CCAR1: variants seen among roughly 807,000 people sequenced by gnomAD.
CCAR1 encodes cell division cycle and apoptosis regulator protein 1.
Under a neutral mutation model 163.8 loss-of-function variants are expected in CCAR1, and 78 were observed. The observed-to-expected ratio is 0.48, with a 90% CI of 0.40 to 0.57. The LOEUF (loss-of-function observed/expected upper bound fraction) is 0.57, where lower values mean the gene tolerates loss of function less well. CCAR1 is among the 20% of genes least tolerant of loss of function. The pLI is 0.00. For missense variants in CCAR1, 1,019 were observed against 1,365.2 expected, an observed-to-expected ratio of 0.75 and a Z score of 4.00; for synonymous variants, 443 against 460.7, an observed-to-expected ratio of 0.96 and a Z score of 0.49.
intron 2 of CCAR1, among the ~76,000 whole-genome samples, chr10:68,732,314 T>G (rs1014914232): frequency 6.6e-6 from 1 of 152,124 alleles, no homozygotes; most frequent in African/African-American, 2.4e-5. Flanking sequence ...ACATGATAAT[T>G]TTTTTTCTAT....
intron 18 of CCAR1, among the ~76,000 whole-genome samples, chr10:68,772,773 A>G (rs1340414714): frequency 1.3e-5 from 2 of 149,158 alleles, no homozygotes; most frequent in South Asian, 2.1e-4. Flanking sequence ...AAAAAAAACC[A>G]TATATATATG....
intron 24 of CCAR1, among the ~76,000 whole-genome samples, chr10:68,790,539 T>C (rs1271657269): frequency 2.0e-5 from 3 of 152,034 alleles, no homozygotes; most frequent in African/African-American, 7.2e-5. Flanking sequence ...TTTTGTTTTG[T>C]CTTTTTGAGA....
chr10:68,738,639 TTAAC>T (rs1277116387), intron 4 of CCAR1, among the ~76,000 whole-genome samples: 6 of 152,138 alleles, frequency 3.9e-5, no homozygotes, highest in Non-Finnish European at 7.3e-5. Context: ...TTTTGTTACA[TTAAC>T]TAACACCTAC....
intron 19 of CCAR1, among the ~76,000 whole-genome samples, chr10:68,783,000 CTTTT>C (rs34366966): frequency 1.1e-5 from 1 of 92,404 alleles, no homozygotes; most frequent in Non-Finnish European, 2.1e-5. Context: ...TCACTTTACT[CTTTT>C]TTTTTTTTTT....
chr10:68,732,596 G>A (rs1201230430), intron 2 of CCAR1, among the ~76,000 whole-genome samples: 8 of 152,182 alleles, frequency 5.3e-5, no homozygotes, highest in East Asian at 1.9e-4. Context: ...TGATCTGCCC[G>A]CCTCAACCTC....
intron 19 of CCAR1, among the ~76,000 whole-genome samples, chr10:68,783,418 C>T (rs763521092): frequency 6.6e-6 from 1 of 152,000 alleles, no homozygotes; most frequent in Non-Finnish European, 1.5e-5. Context: ...CGTGATCTGT[C>T]TGCCTTGGCC....
intron 19 of CCAR1, among the ~76,000 whole-genome samples, chr10:68,779,817 TGG>T (rs755418664): frequency 3.3e-5 from 5 of 152,230 alleles, no homozygotes; most frequent in Non-Finnish European, 7.3e-5. Flanking sequence ...AATTGTACTT[TGG>T]TAATATAGTC....
At chr10:68,784,373 A>C (rs947512667) in intron 19 of CCAR1, among the ~76,000 whole-genome samples, 3 of 151,258 alleles carry the variant, frequency 2.0e-5, no homozygotes, top group Non-Finnish European at 4.4e-5. Context: ...ACGCCACCAC[A>C]CCCCACTTAT....
chr10:68,754,815 T>C lies in CCAR1; in HGVS notation c.1446T>C (p.Ala482=). Residue 482 remains alanine (A), a synonymous_variant, in exon 12 of 25, where the codon GCT becomes GCC. Transcript: ENST00000265872. ...TTCGAGATGGATTCCAACATCCTGC[T>C]AGACTTGTTAAGGTAAAAGGACACA... ...QELRDGFQHP[A]RLVKFLVGMK... 1 of 1,582,894 alleles carries C rather than the reference T, an allele frequency of 6.3e-7. No individual in the cohort carries two copies. The highest frequency in any genetic ancestry group is 8.7e-7 in the Non-Finnish European group (1 of 1,151,738).
Position 68,786,665 on chromosome 10 carries a change from T to C in CCAR1, c.2853T>C (p.Thr951=), listed in dbSNP as rs754560947. 1.9e-6 allele frequency: 3 copies of C among 1,598,074 alleles called. No homozygotes were observed. The highest frequency in any genetic ancestry group is 3.6e-5 in the Admixed American group (2 of 54,968). ...LEKDLEEILY[T]LGLHLSRAQV... is the part of the protein sequence containing the mutation. ...AGGATTTGGAAGAAATACTTTATAC[T>C]CTTGGACTACATCTTTCTCGGGCTC... Residue 951 remains threonine (T), a synonymous_variant, in exon 21 of 25, where the codon ACT becomes ACC. Transcript: ENST00000265872.
intron 10 of CCAR1, among the ~76,000 whole-genome samples, chr10:68,750,207 CTTTTTTCTT>C (rs147130264): frequency 0.57 from 64,036 of 113,174 alleles, 16,466 homozygotes; most frequent in Non-Finnish European, 0.64. Context: ...TTTCTTTTTT[CTTTTTTCTT>C]TTTTTTTTTT....
intron 2 of CCAR1, among the ~76,000 whole-genome samples, chr10:68,734,070 A>AT (rs199988863): frequency 5.7e-4 from 86 of 151,312 alleles, no homozygotes; most frequent in African/African-American, 1.1e-3. Flanking sequence ...TTATTTTGTT[A>AT]TTTTTTTTTA....
At chr10:68,774,217 G>A (rs907300967) in intron 19 of CCAR1, among the ~76,000 whole-genome samples, 1 of 152,064 alleles carries the variant, frequency 6.6e-6, no homozygotes, top group Non-Finnish European at 1.5e-5. Flanking sequence ...TCATAGGCAC[G>A]GGGTCTCATT....
At chr10:68,758,218 C>T (rs546117346) in intron 15 of CCAR1, among the ~76,000 whole-genome samples, 10 of 151,950 alleles carry the variant, frequency 6.6e-5, no homozygotes, top group African/African-American at 2.4e-4. Context: ...CCATGCCAGG[C>T]TAATTTCTGT....
rs1351297436 is a variant in CCAR1, at chr10:68,727,224, C to T, written c.73+4647C>T. ...TAGCTGGGACTACAGGCGCGTGCCA[C>T]CACTCCCGGCTAATTTTGTGGGTTT... is the stretch of plus-strand genomic sequence containing the variant. On this transcript the variant is annotated intron_variant, in intron 2 of 24. Coordinates refer to ENST00000265872, the MANE Select transcript of CCAR1 (RefSeq NM_018237.4). Among the ~76,000 whole-genome samples, 11 of 151,422 alleles carry T rather than the reference C, an allele frequency of 7.3e-5. 1 individual carries two copies. The highest frequency in any genetic ancestry group is 6.3e-4 in the South Asian group (3 of 4,756).
Position 68,761,140 on chromosome 10 carries a change from C to T in CCAR1, c.2054C>T (p.Ser685Phe), listed in dbSNP as rs2133377532. The T allele has an allele frequency of 6.2e-7, 1 of 1,608,638 alleles. No individual in the cohort carries two copies. Among genetic ancestry groups the T allele is most frequent in the South Asian group, 1.1e-5 (1 of 90,128 alleles). Residue 685 changes from serine (S) to phenylalanine (F), a missense_variant, in exon 16 of 25, where the codon TCT becomes TTT. Ser to Phe is a radical substitution (Grantham distance 155, BLOSUM62 -2). This residue lies in a region of CCAR1 where 644 missense variants were observed against 904.4 expected (regional missense o/e 0.71). Coordinates refer to ENST00000265872, the MANE Select transcript of CCAR1 (RefSeq NM_018237.4). ...GAAGAACAGAAGGAGTTAGAGAAAT[C>T]TGAAAAAGAAGAGGATGAGGATGAT... ...QKEEQKELEK[S>F]EKEEDEDDDR... is the part of the protein sequence containing the mutation.
At chr10:68,753,162 T>C (rs2056356046) in intron 10 of CCAR1, among the ~76,000 whole-genome samples, 1 of 152,156 alleles carries the variant, frequency 6.6e-6, no homozygotes, top group Non-Finnish European at 1.5e-5. Flanking sequence ...GATTGACCTT[T>C]CAGTTCCTCT....
chr10:68,757,732 ATATAAAT>A (rs1370078683), intron 15 of CCAR1, among the ~76,000 whole-genome samples: 1 of 152,122 alleles, frequency 6.6e-6, no homozygotes, highest in Non-Finnish European at 1.5e-5. Flanking sequence ...ATTTATATAC[ATATAAAT>A]TAAAAGGCAA....
intron 17 of CCAR1, among the ~76,000 whole-genome samples, chr10:68,766,788 G>A (rs1564545582): frequency 6.6e-6 from 1 of 152,138 alleles, no homozygotes; most frequent in South Asian, 2.1e-4. Flanking sequence ...GCCTCCCAAA[G>A]TGCTGGGATT....
Sources: allele counts gnomAD v4.1 joint callset (sites outside exome capture counted in the v4.1 genomes callset), GRCh38; gene constraint gnomAD v4.1.1; regional missense constraint gnomAD v4.1.1; transcripts MANE v1.5; gene names NCBI Gene and HGNC (gene_info 2026-07-23, HGNC 2026-07-21).